Variants in PCGF5 observed in about 807,000 individuals in gnomAD.
PCGF5 encodes the protein polycomb group ring finger 5, also known as polycomb group RING finger protein 5.
Under a neutral mutation model 44.3 loss-of-function variants are expected in PCGF5, and 9 were observed. The ratio of observed to expected loss-of-function variants is 0.20; its 90% CI spans 0.12 to 0.35. The LOEUF (loss-of-function observed/expected upper bound fraction) is 0.35, where lower values mean the gene tolerates loss of function less well. Among genes scored for constraint, PCGF5 ranks in the 10% least tolerant of loss-of-function variants. The probability of loss-of-function intolerance (pLI) is 1.00; values close to 1 mark genes in which losing one functional copy is unlikely to be tolerated. For synonymous variants in PCGF5, 95 were observed against 102.5 expected, an observed-to-expected ratio of 0.93 and a Z score of 0.44; for missense variants, 146 against 305.3, an observed-to-expected ratio of 0.48 and a Z score of 3.89.
At chr10:91,222,648 C>T (rs566313224) in intron 1 of PCGF5, 41 bp from the exon 2 acceptor site, 14 of 516,998 alleles carry the variant, frequency 2.7e-5, no homozygotes, top group Middle Eastern at 4.8e-4. Flanking sequence ...AGGAATTTGA[C>T]GCTTTTTTCT....
chr10:91,201,582 C>T (rs1282402035), intron 1 of PCGF5, among the ~76,000 whole-genome samples: 2 of 152,100 alleles, frequency 1.3e-5, no homozygotes, highest in Non-Finnish European at 2.9e-5. Context: ...TATCTTCTCC[C>T]CTCCTCCCTC....
chr10:91,167,694 A>G (rs1843524025), intron 1 of PCGF5, among the ~76,000 whole-genome samples: 1 of 152,156 alleles, frequency 6.6e-6, no homozygotes. Flanking sequence ...GGCTAAGGAG[A>G]CTGTTTAGTT....
At chr10:91,266,840 CA>C (rs1299147367) in intron 8 of PCGF5, among the ~76,000 whole-genome samples, 1 of 152,096 alleles carries the variant, frequency 6.6e-6, no homozygotes, top group African/African-American at 2.4e-5. Context: ...ATTCAGAATC[CA>C]GCTATGTCTC....
upstream of PCGF5, among the ~76,000 whole-genome samples, chr10:91,161,572 C>T (rs1345574513): frequency 1.3e-5 from 2 of 152,210 alleles, no homozygotes; most frequent in Admixed American, 1.3e-4. Context: ...CACCGCCAGC[C>T]TTGGCTTAAG....
intron 1 of PCGF5, among the ~76,000 whole-genome samples, chr10:91,169,408 T>C (rs1843564186): frequency 6.6e-6 from 1 of 152,164 alleles, no homozygotes; most frequent in East Asian, 1.9e-4. Context: ...AAAAACCTCC[T>C]GGAACTAATA....
chr10:91,178,497 C>T (rs1843755358), intron 1 of PCGF5, among the ~76,000 whole-genome samples: 1 of 151,426 alleles, frequency 6.6e-6, no homozygotes, highest in South Asian at 2.1e-4. Flanking sequence ...TCAAGCAATA[C>T]CCCCATCACA....
intron 6 of PCGF5, among the ~76,000 whole-genome samples, chr10:91,255,401 C>T (rs1845722981): frequency 6.6e-6 from 1 of 151,990 alleles, no homozygotes. Context: ...CAGGAAGGAC[C>T]TGAGAAGGCC....
chr10:91,219,835 T>C (rs543680404), upstream of PCGF5, among the ~76,000 whole-genome samples: 113 of 152,326 alleles, frequency 7.4e-4, no homozygotes, highest in Middle Eastern at 3.4e-3. Context: ...GTATGGCTGC[T>C]GGACTAGCGG....
chr10:91,195,403 G>A (rs1023826498), intron 1 of PCGF5, among the ~76,000 whole-genome samples: 2 of 149,842 alleles, frequency 1.3e-5, no homozygotes, highest in African/African-American at 4.9e-5. Context: ...TGCCTTAGAG[G>A]GTTAATAATA....
chr10:91,226,038 G>A (rs1192792025), intron 2 of PCGF5, among the ~76,000 whole-genome samples: 1 of 151,954 alleles, frequency 6.6e-6, no homozygotes, highest in Non-Finnish European at 1.5e-5. Flanking sequence ...TCTTGACTTA[G>A]GCATATACAA....
chr10:91,165,999 T>G (rs1843493536), intron 1 of PCGF5, among the ~76,000 whole-genome samples: 1 of 152,170 alleles, frequency 6.6e-6, no homozygotes, highest in Non-Finnish European at 1.5e-5. Context: ...AAGCATAATC[T>G]CAAGAGTAAG....
chr10:91,215,063 A>C (rs1844517848), intron 1 of PCGF5, among the ~76,000 whole-genome samples: 1 of 152,220 alleles, frequency 6.6e-6, no homozygotes, highest in South Asian at 2.1e-4. Flanking sequence ...ATGAAGTTCT[A>C]ATTAACTTCC....
At chr10:91,253,603 G>A (rs35848051) in intron 6 of PCGF5, among the ~76,000 whole-genome samples, 6,400 of 152,044 alleles carry the variant, frequency 0.042, 177 homozygotes, top group Middle Eastern at 0.092. Flanking sequence ...CAAAAGCTTC[G>A]CGTCATCTTT....
At chr10:91,264,257 A>G (rs41286926) in intron 7 of PCGF5, among the ~76,000 whole-genome samples, 174 bp from the exon 8 acceptor site, 5 of 152,248 alleles carry the variant, frequency 3.3e-5, no homozygotes, top group South Asian at 4.1e-4. Context: ...GTAACAGTAT[A>G]TAAGTAACAT....
chr10:91,173,998 T>A (rs1843659424), intron 1 of PCGF5, among the ~76,000 whole-genome samples: 1 of 151,880 alleles, frequency 6.6e-6, no homozygotes, highest in South Asian at 2.1e-4. Flanking sequence ...TCTTGGAAAA[T>A]GCTTGATAGT....
At chr10:91,275,305 A>T (rs980521435) in intron 9 of PCGF5, among the ~76,000 whole-genome samples, 1 of 146,172 alleles carries the variant, frequency 6.8e-6, no homozygotes, top group Non-Finnish European at 1.5e-5. Flanking sequence ...CAGTCAAGAA[A>T]TGAAAAAAAA....
At chr10:91,259,657 A>G (rs371108937) in intron 6 of PCGF5, among the ~76,000 whole-genome samples, 22 of 152,164 alleles carry the variant, frequency 1.4e-4, no homozygotes, top group African/African-American at 4.8e-4. Context: ...GCCCTCAGAA[A>G]TAATGCCGCA....
intron 1 of PCGF5, among the ~76,000 whole-genome samples, chr10:91,171,530 A>G (rs1843605073): frequency 6.6e-6 from 1 of 152,098 alleles, no homozygotes; most frequent in Non-Finnish European, 1.5e-5. Flanking sequence ...AGAAAATTGG[A>G]AGTAGAGATG....
chr10:91,194,808 A>G (rs1416215251), intron 1 of PCGF5, among the ~76,000 whole-genome samples: 1 of 152,178 alleles, frequency 6.6e-6, no homozygotes, highest in Non-Finnish European at 1.5e-5. Flanking sequence ...CCTCATTTTT[A>G]AAAAAGATAG....
Sources: allele counts gnomAD v4.1 joint callset (sites outside exome capture counted in the v4.1 genomes callset), GRCh38; gene constraint gnomAD v4.1.1; transcripts MANE v1.5; gene names NCBI Gene and HGNC (gene_info 2026-07-23, HGNC 2026-07-21).